JMJD1C: variants seen among roughly 807,000 people sequenced by gnomAD.
JMJD1C encodes the protein jumonji domain-containing protein 1C.
JMJD1C carries 31 observed loss-of-function variants against 245.3 expected under a neutral mutation model. The ratio of observed to expected loss-of-function variants is 0.13; its 90% confidence interval spans 0.09 to 0.17. The LOEUF (loss-of-function observed/expected upper bound fraction) is 0.17, where lower values mean the gene tolerates loss of function less well. JMJD1C is among the 10% of genes least tolerant of loss of function. JMJD1C has a pLI of 1.00. For missense variants in JMJD1C, 2,691 were observed against 3,000.2 expected (o/e 0.90, Z 2.41); for synonymous variants, 1,057 against 1,017.4 (o/e 1.04, Z -0.74).
intron 2 of JMJD1C, among the ~76,000 whole-genome samples, chr10:63,271,203 T>C (rs1856261228): frequency 6.6e-6 from 1 of 151,970 alleles, no homozygotes; most frequent in African/African-American, 2.4e-5. Context: ...TGAGACAGAA[T>C]CTCACTGTTG....
intron 2 of JMJD1C, among the ~76,000 whole-genome samples, chr10:63,335,336 G>A (rs981801339): frequency 6.6e-6 from 1 of 152,044 alleles, no homozygotes; most frequent in Non-Finnish European, 1.5e-5. Flanking sequence ...GCAAAGCAAT[G>A]CAAAAAAAGA....
intron 3 of JMJD1C, among the ~76,000 whole-genome samples, chr10:63,249,774 C>T (rs1032635647): frequency 4.6e-5 from 7 of 151,786 alleles, no homozygotes; most frequent in African/African-American, 1.5e-4. Flanking sequence ...GCAGGAGAAT[C>T]GCTTTAATCC....
intron 2 of JMJD1C, among the ~76,000 whole-genome samples, chr10:63,265,121 CCT>C (rs1491512371): frequency 1.1e-3 from 158 of 149,582 alleles, no homozygotes; most frequent in Non-Finnish European, 2.1e-3. Context: ...TTTACCCCCA[CCT>C]TTTTTTTTTA....
At chr10:63,190,830 A>T in intron 17 of JMJD1C, 64 bp downstream of exon 17, 1 of 1,338,394 alleles carries the variant, frequency 7.5e-7, no homozygotes, top group Non-Finnish European at 1.1e-6. Context: ...AGAGCCAAAA[A>T]CTAAGTCTCC....
chr10:63,408,575 T>C (rs987606741), intron 1 of JMJD1C, among the ~76,000 whole-genome samples: 1 of 152,112 alleles, frequency 6.6e-6, no homozygotes, highest in African/African-American at 2.4e-5. Context: ...TGATTAATGC[T>C]TCCCAAATTC....
At chr10:63,453,131 C>T (rs903082664) in intron 1 of JMJD1C, among the ~76,000 whole-genome samples, 1 of 151,866 alleles carries the variant, frequency 6.6e-6, no homozygotes, top group African/African-American at 2.4e-5. Context: ...AAAAACTGGC[C>T]GGGTGTGGTG....
chr10:63,459,639 A>G (rs1017024166), intron 1 of JMJD1C, among the ~76,000 whole-genome samples: 13 of 152,214 alleles, frequency 8.5e-5, no homozygotes, highest in African/African-American at 2.9e-4. Context: ...AAATCATCAG[A>G]GTTATACAAA....
At chr10:63,345,931 A>T (rs1943779284) in intron 2 of JMJD1C, among the ~76,000 whole-genome samples, 1 of 152,198 alleles carries the variant, frequency 6.6e-6, no homozygotes, top group South Asian at 2.1e-4. Context: ...CATACGGAAT[A>T]AAAGGAAACA....
At position 63,319,611 on chromosome 10, in the gene JMJD1C, G is replaced by A. The variant is rs1210407843; in HGVS notation, c.334-54847C>T. ...CTTCTTAGATTCCTATCTTCTGGATGTCAATACCTTTATTTCTGTATTTGA... is the reference window on the plus strand; with the variant it reads ...CTTCTTAGATTCCTATCTTCTGGATATCAATACCTTTATTTCTGTATTTGA... On this transcript the variant is annotated intron_variant, in intron 2 of 25. Transcript: ENST00000399262. 3.3e-5 allele frequency among the ~76,000 whole-genome samples: 5 copies of A among 151,998 alleles called. No individual in the cohort carries two copies. The East Asian group carries it at 9.6e-4, about 29-fold the overall frequency.
chr10:63,480,280 G>A (rs1953790646), intron 1 of JMJD1C, among the ~76,000 whole-genome samples: 2 of 151,662 alleles, frequency 1.3e-5, no homozygotes, highest in South Asian at 2.1e-4. Context: ...CATTCGATGG[G>A]AGCACTAATG....
intron 10 of JMJD1C, 61 bp downstream of exon 10, chr10:63,206,534 A>C: frequency 7.6e-7 from 1 of 1,322,454 alleles, no homozygotes; most frequent in Non-Finnish European, 1.0e-6. Flanking sequence ...AAAGCAGCAC[A>C]CTAGTATAGC....
At chr10:63,238,111 G>A (rs893247660) in intron 3 of JMJD1C, among the ~76,000 whole-genome samples, 1 of 148,754 alleles carries the variant, frequency 6.7e-6, no homozygotes, top group Non-Finnish European at 1.5e-5. Flanking sequence ...AACCTGGGAG[G>A]TGGAGGTTGC....
At chr10:63,325,955 G>C (rs888385180) in intron 2 of JMJD1C, among the ~76,000 whole-genome samples, 10 of 151,944 alleles carry the variant, frequency 6.6e-5, no homozygotes, top group African/African-American at 2.2e-4. Context: ...ATCCATCATA[G>C]CACAGTTGTT....
intron 3 of JMJD1C, among the ~76,000 whole-genome samples, chr10:63,245,248 CAT>C (rs1852042531): frequency 6.8e-6 from 1 of 146,732 alleles, no homozygotes; most frequent in African/African-American, 2.5e-5. Flanking sequence ...AATTGAGAAA[CAT>C]ATTTTCTGAG....
intron 1 of JMJD1C, among the ~76,000 whole-genome samples, chr10:63,418,206 T>C (rs1054626097): frequency 2.0e-5 from 3 of 152,176 alleles, no homozygotes; most frequent in Non-Finnish European, 2.9e-5. Context: ...TCAGAAGATC[T>C]GAGGCAGGAT....
At chr10:63,186,175 G>C in intron 19 of JMJD1C, 40 bp downstream of exon 19, 1 of 1,398,776 alleles carries the variant, frequency 7.1e-7, no homozygotes, top group Non-Finnish European at 1.0e-6. Flanking sequence ...CATTTTGAAG[G>C]AGTATGATGG....
intron 2 of JMJD1C, among the ~76,000 whole-genome samples, chr10:63,375,629 C>A (rs977359526): frequency 2.6e-5 from 4 of 151,890 alleles, no homozygotes; most frequent in Admixed American, 2.6e-4. Context: ...TGGCTCACTG[C>A]AGCCATGAAC....
intron 2 of JMJD1C, among the ~76,000 whole-genome samples, chr10:63,279,461 G>C (rs1857167605): frequency 6.6e-6 from 1 of 152,164 alleles, no homozygotes; most frequent in Non-Finnish European, 1.5e-5. Flanking sequence ...AACTACTCAA[G>C]TAGAATGTAC....
intron 3 of JMJD1C, among the ~76,000 whole-genome samples, chr10:63,248,445 C>T (rs1163963974): frequency 2.7e-5 from 4 of 150,606 alleles, no homozygotes; most frequent in South Asian, 2.1e-4. Context: ...CACTTGAATC[C>T]GGGAGGCAGA....
Sources: allele counts gnomAD v4.1 joint callset (sites outside exome capture counted in the v4.1 genomes callset), GRCh38; gene constraint gnomAD v4.1.1; transcripts MANE v1.5; gene names NCBI Gene and HGNC (gene_info 2026-07-23, HGNC 2026-07-21).